Variants in RC3H1 observed in about 807,000 individuals in gnomAD.
The protein encoded by RC3H1 is ring finger and CCCH-type domains 1, also known as roquin-1.
A neutral mutation model predicts 138.2 loss-of-function variants in RC3H1; 50 were observed. That is an observed-to-expected ratio of 0.36 (90% CI 0.29 to 0.46). The LOEUF (loss-of-function observed/expected upper bound fraction) is 0.46. RC3H1 is among the 20% of genes least tolerant of loss of function. The pLI is 1.00. For missense variants in RC3H1, 1,031 were observed against 1,388.1 expected, an observed-to-expected ratio of 0.74 and a Z score of 4.09; for synonymous variants, 462 against 489.1, an observed-to-expected ratio of 0.94 and a Z score of 0.73.
intron 17 of RC3H1, 53 bp from the exon 18 acceptor site, chr1:173,943,668 C>A: frequency 6.6e-7 from 1 of 1,513,298 alleles, no homozygotes; most frequent in Non-Finnish European, 8.9e-7. Flanking sequence ...ACACCATGCA[C>A]AGAATAACCA....
At position 173,936,144 on chromosome 1, in the gene RC3H1, A is replaced by T. The variant is rs1386249045; in HGVS notation, c.*2577T>A. 3.9e-5 allele frequency: 6 copies of T among 152,238 alleles called. No homozygotes were observed. The highest frequency in any genetic ancestry group is 1.4e-4 in the African/African-American group (6 of 41,468). 9.4% of individuals were successfully genotyped at this position (152,238 alleles called of 1,614,324 possible). ...TTTAAAGGAAATGAGAACAAGAATA[A>T]CAGAAACTGAGTTACTAAGGGGTTT... On this transcript the variant is annotated 3_prime_UTR_variant, in exon 20 of 20. Transcript: ENST00000367696.
At chr1:173,948,515 TG>T (rs1306874422) in intron 14 of RC3H1, among the ~76,000 whole-genome samples, 2 of 152,198 alleles carry the variant, frequency 1.3e-5, no homozygotes, top group African/African-American at 2.4e-5. Flanking sequence ...ATATATAGTT[TG>T]TATGCACATT....
chr1:174,000,196 G>A (rs140228344), intron 1 of RC3H1, among the ~76,000 whole-genome samples: 1,869 of 152,260 alleles, frequency 0.012, 41 homozygotes, highest in African/African-American at 0.041. Context: ...TTTCAAAAAT[G>A]TTAAGTAATA....
rs1325504094 is a variant in RC3H1, at chr1:173,937,307, T to C, written c.*1414A>G. ...AAGAAACAAGAAAAATATAAACTCT[T>C]GTTTTTACTCAACCAAAGCAATGTA... On this transcript the variant is annotated 3_prime_UTR_variant, in exon 20 of 20. Coordinates refer to ENST00000367696, the MANE Select transcript of RC3H1 (RefSeq NM_172071.4). 3.3e-5 allele frequency: 5 copies of C among 152,508 alleles called. No homozygotes were observed. The highest frequency in any genetic ancestry group is 7.3e-5 in the Non-Finnish European group (5 of 68,030). The allele number at this position is 152,508 out of a possible 1,614,324, so 9.4% of individuals were successfully genotyped here. A position where few individuals can be genotyped will look rare whatever the true frequency, so the allele number is the denominator to read the frequency against.
intron 17 of RC3H1, among the ~76,000 whole-genome samples, chr1:173,945,249 C>T (rs1040320723): frequency 1.3e-5 from 2 of 151,984 alleles, no homozygotes; most frequent in Non-Finnish European, 2.9e-5. Flanking sequence ...CTTCAGCCTC[C>T]TGAGTAGCTG....
chr1:173,976,211 C>T (rs1171667209), intron 7 of RC3H1, among the ~76,000 whole-genome samples: 2 of 151,722 alleles, frequency 1.3e-5, no homozygotes, highest in African/African-American at 2.4e-5. Context: ...CTGAGGCAGG[C>T]GGGTCACCTG....
chr1:173,949,087 A>T (rs77751574), intron 14 of RC3H1, among the ~76,000 whole-genome samples: 2,688 of 120,446 alleles, frequency 0.022, 92 homozygotes, highest in African/African-American at 0.074. Context: ...AAAAAAAAAA[A>T]TTTTATTTTG....
intron 1 of RC3H1, chr1:174,015,871 T>C (rs755102448): frequency 6.6e-6 from 1 of 152,148 alleles, no homozygotes; most frequent in Non-Finnish European, 1.5e-5. Flanking sequence ...AAAGACATTA[T>C]TTTTATTTTT....
At chr1:173,960,107 CAA>C (rs58330993) in intron 13 of RC3H1, among the ~76,000 whole-genome samples, 3 of 51,118 alleles carry the variant, frequency 5.9e-5, no homozygotes, top group East Asian at 5.9e-4. Context: ...GACTCCGACT[CAA>C]AAAAAAAAAA....
At chr1:173,942,206 C>T (rs1455339444) in intron 18 of RC3H1, among the ~76,000 whole-genome samples, 5 of 149,446 alleles carry the variant, frequency 3.3e-5, no homozygotes, top group African/African-American at 1.2e-4. Flanking sequence ...CGTGCCACTG[C>T]ACACCAGCCT....
In RC3H1 at chr1:173,961,480, T is replaced by C. The variant is rs1387274555; in HGVS notation, c.2203-236A>G. Among the ~76,000 whole-genome samples, 4 of 151,966 alleles carry C rather than the reference T, an allele frequency of 2.6e-5. No individual in the cohort carries two copies. In the East Asian group the frequency reaches 7.7e-4, roughly 29 times the overall value. ...TCATAATTACCAAGTAGATCTAGAA[T>C]TGTTAATTAAACCATCTAAAGTTCA... is the stretch of plus-strand genomic sequence containing the variant. On this transcript the variant is annotated intron_variant, in intron 12 of 19. Transcript: ENST00000367696.
chr1:173,970,000 C>T (rs934835345), intron 9 of RC3H1, among the ~76,000 whole-genome samples: 10 of 151,992 alleles, frequency 6.6e-5, no homozygotes, highest in African/African-American at 1.9e-4. Context: ...AGGCATGATG[C>T]AATAAAAGCT....
At chr1:174,002,409 C>A (rs1661580733) in intron 1 of RC3H1, among the ~76,000 whole-genome samples, 1 of 152,132 alleles carries the variant, frequency 6.6e-6, no homozygotes, top group Non-Finnish European at 1.5e-5. Context: ...AAATACTATC[C>A]TATAGAATCC....
chr1:173,988,453 T>C (rs562646386), intron 2 of RC3H1, among the ~76,000 whole-genome samples: 73 of 152,382 alleles, frequency 4.8e-4, no homozygotes, highest in African/African-American at 1.7e-3. Context: ...TGCCATTGTA[T>C]GGATATACCA....
rs2102819745 is a variant in RC3H1 at position 173,936,427 on chromosome 1, T to G, written c.*2294A>C. ...TACTCAGGAGGCTGAGGCAGGAGAA[T>G]CGCTTGAACCCGGGAGGTGGAGGTT... On this transcript the variant is annotated 3_prime_UTR_variant, in exon 20 of 20. Coordinates refer to ENST00000367696, the MANE Select transcript of RC3H1 (RefSeq NM_172071.4). 2 of 142,390 alleles carry G rather than the reference T, an allele frequency of 1.4e-5. No individual in the cohort carries two copies. The highest frequency in any genetic ancestry group is 7.9e-3 in the Middle Eastern group (2 of 252). 8.8% of individuals were successfully genotyped at this position (142,390 alleles called of 1,614,324 possible).
chr1:174,007,197 G>A lies in RC3H1; in HGVS notation c.-150-14062C>T, dbSNP rs534352030. On this transcript the variant is annotated intron_variant, in intron 1 of 19. Coordinates refer to ENST00000367696, the MANE Select transcript of RC3H1 (RefSeq NM_172071.4). ...GAGGTCAGGAAATTGAGACCATCCT[G>A]GCTAACACGGGGAAACACCATCTCT... Among the ~76,000 whole-genome samples, 5 of 152,178 alleles carry A rather than the reference G, an allele frequency of 3.3e-5. No homozygotes were observed. The East Asian group carries it at 7.7e-4, about 24-fold the overall frequency.
At chr1:174,001,103 A>C (rs1661557973) in intron 1 of RC3H1, among the ~76,000 whole-genome samples, 1 of 152,212 alleles carries the variant, frequency 6.6e-6, no homozygotes, top group Non-Finnish European at 1.5e-5. Context: ...TGAAAAATAG[A>C]ACTTGATAAA....
At position 173,970,595 on chromosome 1, in the gene RC3H1, T is replaced by C. The variant is rs777911027; in HGVS notation, c.1244A>G (p.Lys415Arg). 1 of 1,613,866 alleles carries C rather than the reference T, an allele frequency of 6.2e-7. No homozygotes were observed. Among genetic ancestry groups the C allele is most frequent in the South Asian group, 1.1e-5 (1 of 91,036 alleles). The change falls in exon 9 of 20, where the codon AAA becomes AGA. Residue 415 changes from lysine to arginine, a missense_variant. Physicochemically the swap from Lys to Arg is conservative, Grantham distance 26 (BLOSUM62 2). Around this residue, in one of 7 missense-constraint regions of RC3H1, gnomAD observed 142 missense variants for 224.6 expected, o/e 0.63. Coordinates refer to ENST00000367696, the MANE Select transcript of RC3H1 (RefSeq NM_172071.4). ...CTTCATATCTCGACACATGTATGTTTTGTATTTGCTATGCTGTGGAGGCTA... is the reference window on the plus strand; with the variant it reads ...CTTCATATCTCGACACATGTATGTTCTGTATTTGCTATGCTGTGGAGGCTA... ...QQQPPQHSKY[K>R]TYMCRDMKQR... is the part of the protein sequence containing the mutation.
chr1:173,982,650 A>C, intron 5 of RC3H1, 77 bp downstream of exon 5: 2 of 1,310,562 alleles, frequency 1.5e-6, no homozygotes, highest in Non-Finnish European at 2.1e-6. Flanking sequence ...AACTTTATTA[A>C]ACTCAAAGTT....
Sources: gnomAD v4.1 joint callset for allele counts (sites outside exome capture counted in the v4.1 genomes callset) on GRCh38, gnomAD v4.1.1 for gene constraint, gnomAD v4.1.1 regional missense constraint, MANE v1.5 for transcripts, NCBI Gene and HGNC (gene_info 2026-07-23, HGNC 2026-07-21) for gene names.